Variants in DNAH10 observed in about 807,000 individuals in gnomAD.
DNAH10 encodes the protein axonemal beta dynein heavy chain 10.
In DNAH10, 348 loss-of-function variants were observed where a neutral mutation model predicts 506.6. That is an observed-to-expected ratio of 0.69 (90% CI 0.63 to 0.75). DNAH10 has a LOEUF of 0.75. Ranked by LOEUF, DNAH10 falls within the 30% of genes least tolerant of loss-of-function variation. DNAH10 has a pLI of 0.00. For missense variants in DNAH10, 5,179 were observed against 5,787.1 expected, an observed-to-expected ratio of 0.89 and a Z score of 3.41; for synonymous variants, 2,059 against 2,198.6, an observed-to-expected ratio of 0.94 and a Z score of 1.78.
chr12:123,907,836 A>G lies in DNAH10; in HGVS notation c.9816-1425A>G, dbSNP rs140824959. ...GCCCCGCCGCTTTCCTAAGCAGCCA[A>G]CACCAGCGTGATCGAGCCTTTTCCC... On this transcript the variant is annotated intron_variant, in intron 57 of 78. Coordinates refer to ENST00000673944, the MANE Select transcript of DNAH10 (RefSeq NM_001372106.1). The surrounding 1 kb of genome is among the most constrained non-coding windows in gnomAD (Gnocchi z 4.4). 6.6e-6 allele frequency among the ~76,000 whole-genome samples: 1 copy of G among 152,284 alleles called. No individual in the cohort carries two copies. Among genetic ancestry groups the G allele is most frequent in the African/African-American group, 2.4e-5 (1 of 41,546 alleles).
chr12:123,775,852 A>T (rs1957419454), intron 5 of DNAH10, among the ~76,000 whole-genome samples: 1 of 152,186 alleles, frequency 6.6e-6, no homozygotes, highest in Non-Finnish European at 1.5e-5. Flanking sequence ...GGAACTGCCC[A>T]TAATTTATAA....
At chr12:123,836,710 A>G (rs1025642276) in intron 28 of DNAH10, among the ~76,000 whole-genome samples, 1 of 152,108 alleles carries the variant, frequency 6.6e-6, no homozygotes, top group Non-Finnish European at 1.5e-5. Context: ...CTCTTTTTTT[A>G]AACTTAAAAG....
intron 71 of DNAH10, 62 bp downstream of exon 71, chr12:123,929,546 T>C (rs978914588): frequency 6.3e-7 from 1 of 1,582,362 alleles, no homozygotes; most frequent in African/African-American, 1.3e-5. Context: ...CTCCCGACTT[T>C]CCTCCGGGTT....
At chr12:123,802,175 C>T (rs1010802344) in intron 16 of DNAH10, among the ~76,000 whole-genome samples, 15 of 152,186 alleles carry the variant, frequency 9.9e-5, no homozygotes, top group African/African-American at 3.6e-4. Flanking sequence ...GGTTTTGGCT[C>T]TTAGGAATAA....
chr12:123,879,847 C>G, intron 50 of DNAH10, 46 bp downstream of exon 50: 1 of 1,596,778 alleles, frequency 6.3e-7, no homozygotes, highest in East Asian at 2.2e-5. Flanking sequence ...TTCTCCTGAG[C>G]ATGGGCCAAG....
rs147242793 is a variant in DNAH10 at position 123,811,253 on chromosome 12, C to T, written c.3145-1911C>T. ...GTTGGGAGGATTAAATTATATAACA[C>T]GTGTATACAGCTTAGTGCAGTGTTT... On this transcript the variant is annotated intron_variant, in intron 19 of 78. Transcript: ENST00000673944. 6.7e-3 allele frequency among the ~76,000 whole-genome samples: 1,014 copies of T among 151,984 alleles called. 9 individuals are homozygous for T. Among genetic ancestry groups the T allele is most frequent in the Non-Finnish European group, 0.011 (749 of 67,994 alleles).
At chr12:123,773,626 C>T (rs980226710) in intron 4 of DNAH10, among the ~76,000 whole-genome samples, 3 of 152,188 alleles carry the variant, frequency 2.0e-5, no homozygotes, top group Non-Finnish European at 2.9e-5. Flanking sequence ...ACAGATGGCA[C>T]CTTCTCCTAT....
At position 123,880,854 on chromosome 12, in the gene DNAH10, T is replaced by A. The variant is rs1311655461; in HGVS notation, c.8635-771T>A. On this transcript the variant is annotated intron_variant, in intron 50 of 78. Coordinates refer to ENST00000673944, the MANE Select transcript of DNAH10 (RefSeq NM_001372106.1). ...TGTGATGTTCCCCTTCCTGTGTCCA[T>A]GTGTTCTCATTGTTCAATTCCCACC... is the stretch of plus-strand genomic sequence containing the variant. 4.6e-5 allele frequency among the ~76,000 whole-genome samples: 6 copies of A among 131,498 alleles called. No individual in the cohort carries two copies. The East Asian group carries it at 1.2e-3, about 26-fold the overall frequency. 86.3% of individuals were successfully genotyped at this position (131,498 alleles called of 152,430 possible).
intron 21 of DNAH10, among the ~76,000 whole-genome samples, chr12:123,818,397 C>T (rs182673449): frequency 1.3e-5 from 2 of 151,912 alleles, no homozygotes; most frequent in South Asian, 2.1e-4. Flanking sequence ...GATCTCGACT[C>T]ACTGCAACCT....
Position 123,919,049 on chromosome 12 carries a change from G to A in DNAH10, c.11506+100G>A. 7.4e-7 allele frequency: 1 copy of A among 1,357,940 alleles called. No individual in the cohort carries two copies. The highest frequency in any genetic ancestry group is 9.8e-7 in the Non-Finnish European group (1 of 1,024,644). 84.1% of individuals were successfully genotyped at this position (1,357,940 alleles called of 1,614,324 possible). A position where few individuals can be genotyped will look rare whatever the true frequency, so the allele number is the denominator to read the frequency against. On this transcript the variant is annotated intron_variant, in intron 65 of 78. Coordinates refer to ENST00000673944, the MANE Select transcript of DNAH10 (RefSeq NM_001372106.1). The surrounding 1 kb of genome is among the most constrained non-coding windows in gnomAD (Gnocchi z 4.9). ...TGTGAAAATGGAAAGTTACCAAATA[G>A]CATTTTTTCTTTTTTCTTTCTTTCT...
Position 123,925,886 on chromosome 12 carries a change from T to G in DNAH10, c.11921+682T>G, listed in dbSNP as rs567355164. The G allele has an allele frequency of 6.6e-6, 1 of 152,364 alleles. No homozygotes were observed. Among genetic ancestry groups the G allele is most frequent in the South Asian group, 2.1e-4 (1 of 4,828 alleles). 9.4% of individuals were successfully genotyped at this position (152,364 alleles called of 1,614,324 possible). The stretch of plus-strand genomic sequence containing the variant: ...GAAAGAAGCTAGGACTTCAGATTTT[T>G]TCCTGAAATATCCCAATATCTTTGT... On this transcript the variant is annotated intron_variant, in intron 68 of 78. Transcript: ENST00000673944. The surrounding 1 kb of genome is among the most constrained non-coding windows in gnomAD (Gnocchi z 4.0).
At chr12:123,934,421 G>A (rs1161092854) in intron 77 of DNAH10, 200 bp from the exon 78 acceptor site, 1 of 712,922 alleles carries the variant, frequency 1.4e-6, no homozygotes. Context: ...AGGGCCACAG[G>A]GTCTCCTGTC....
rs746440403 is a variant in DNAH10, at chr12:123,893,229, C to T, written c.8996-4C>T. ...GAGATCACCAGCATGTCTTCCTTTT[C>T]CAGGAATTGTACCTGCGCTTTTTTC... is the stretch of plus-strand genomic sequence containing the variant. On this transcript the variant is annotated splice_region_variant and splice_polypyrimidine_tract_variant and intron_variant, in intron 52 of 78. Transcript: ENST00000673944. The T allele has an allele frequency of 4.3e-6, 7 of 1,613,752 alleles. No homozygotes were observed. In the East Asian group the frequency reaches 1.6e-4, roughly 36 times the overall value.
At chr12:123,860,609 A>G (rs1280333922) in intron 38 of DNAH10, among the ~76,000 whole-genome samples, 4 of 152,168 alleles carry the variant, frequency 2.6e-5, no homozygotes, top group South Asian at 2.1e-4. Flanking sequence ...AGGATTGAAC[A>G]TTAGTAGTCC....
Position 123,893,408 on chromosome 12 carries a change from C to T in DNAH10, c.9171C>T (p.Thr3057=), listed in dbSNP as rs374033076. 1 of 1,612,962 alleles carries T rather than the reference C, an allele frequency of 6.2e-7. No individual in the cohort carries two copies. Among genetic ancestry groups the T allele is most frequent in the Admixed American group, 1.7e-5 (1 of 60,020 alleles). Residue 3057 remains threonine, a synonymous_variant, in exon 53 of 79, where the codon ACC becomes ACT. Transcript: ENST00000673944. ...IVLGMSPVGD[T]LRTWCRNFPG... is the part of the protein sequence containing the mutation. ...TGGGCATGTCGCCAGTGGGGGACAC[C>T]CTGAGGACCTGGTGCAGAAACTTCC...
chr12:123,888,925 A>G (rs1011159752), intron 52 of DNAH10, among the ~76,000 whole-genome samples: 2 of 152,080 alleles, frequency 1.3e-5, no homozygotes, highest in African/African-American at 2.4e-5. Flanking sequence ...TTTCCCAGGG[A>G]CCTATTTCAT....
Position 123,800,351 on chromosome 12 carries a change from G to C in DNAH10, c.2425G>C (p.Ala809Pro). 6.2e-7 allele frequency: 1 copy of C among 1,613,964 alleles called. No individual in the cohort carries two copies. The highest frequency in any genetic ancestry group is 8.5e-7 in the Non-Finnish European group (1 of 1,179,994). Residue 809 changes from alanine (A) to proline (P), a missense_variant, in exon 15 of 79, where the codon GCA becomes CCA. By Grantham distance (27) the Ala-to-Pro change is conservative (BLOSUM62 -1). Transcript: ENST00000673944. ...EQLGFTVPEL[A>P]RNVALQEDKF... ...GCTGGGGTTCACTGTCCCTGAATTA[G>C]CAAGAAATGTTGCTCTCCAGGAAGA...
intron 51 of DNAH10, 109 bp downstream of exon 51, chr12:123,881,922 A>T (rs535741402): frequency 5.5e-5 from 62 of 1,118,618 alleles, no homozygotes; most frequent in Non-Finnish European, 7.0e-5. Context: ...TGATGTTTTC[A>T]TAGAGTATCG....
At chr12:123,933,288 T>C (rs1399862203) in intron 76 of DNAH10, 43 bp from the exon 77 acceptor site, 6 of 1,391,010 alleles carry the variant, frequency 4.3e-6, no homozygotes, top group Non-Finnish European at 5.6e-6. Flanking sequence ...TGGCATTGGA[T>C]GGCAGCCCCA....
Sources: gnomAD v4.1 joint callset for allele counts (sites outside exome capture counted in the v4.1 genomes callset) on GRCh38, gnomAD v4.1.1 for gene constraint, Gnocchi (gnomAD v3.1) non-coding constraint, MANE v1.5 for transcripts, NCBI Gene and HGNC (gene_info 2026-07-23, HGNC 2026-07-21) for gene names.